Variants in IL31RA observed in about 807,000 individuals in gnomAD.
The protein encoded by IL31RA is interleukin 31 receptor A, also known as interleukin-31 receptor subunit alpha.
A neutral mutation model predicts 83.7 loss-of-function variants in IL31RA; 66 were observed. The observed-to-expected ratio is 0.79, with a 90% confidence interval of 0.65 to 0.97. The LOEUF is 0.97. Ranked by LOEUF, IL31RA falls within the 50% of genes least tolerant of loss-of-function variation. The probability of loss-of-function intolerance (pLI) is 0.00; values close to 1 mark genes in which losing one functional copy is unlikely to be tolerated. For missense variants in IL31RA, 798 were observed against 919.4 expected (o/e 0.87, Z 1.71); for synonymous variants, 325 against 329.0 (o/e 0.99, Z 0.13).
chr5:55,913,046 G>A (rs1049423493), intron 12 of IL31RA, among the ~76,000 whole-genome samples: 1 of 152,082 alleles, frequency 6.6e-6, no homozygotes, highest in Non-Finnish European at 1.5e-5. Flanking sequence ...ATGCTGCCAG[G>A]AAGACACCTA....
chr5:55,896,259 C>A, intron 6 of IL31RA, 91 bp from the exon 7 acceptor site: 1 of 874,174 alleles, frequency 1.1e-6, no homozygotes. Flanking sequence ...CTCCCTCAAG[C>A]AAATCCTTCC....
At position 55,922,585 on chromosome 5, in the gene IL31RA, C is replaced by T. The variant is rs74864519; in HGVS notation, c.*5465C>T. ...GTCTTTTCCACACATGGACCACCTA[C>T]GGATGCAATCTGTAATGCATGTGCA... On this transcript the variant is annotated 3_prime_UTR_variant, in exon 15 of 15. Transcript: ENST00000652347. The T allele has an allele frequency of 1.3e-3, 832 of 616,968 alleles. 6 individuals are homozygous for T. The African/African-American group carries it at 0.014, about 10-fold the overall frequency. 38.2% of individuals were successfully genotyped at this position (616,968 alleles called of 1,614,324 possible).
intron 6 of IL31RA, among the ~76,000 whole-genome samples, chr5:55,894,138 T>C (rs1037773469): frequency 2.0e-5 from 3 of 151,814 alleles, no homozygotes; most frequent in Non-Finnish European, 4.4e-5. Flanking sequence ...TTTTTTTTTC[T>C]TACTCTCAAT....
chr5:55,895,588 G>A (rs66660185), intron 6 of IL31RA, among the ~76,000 whole-genome samples: 14,838 of 152,210 alleles, frequency 0.097, 1,211 homozygotes, highest in African/African-American at 0.22. Flanking sequence ...ATAGAAAACA[G>A]CTATGAAAAA....
chr5:55,845,997 G>A, the IL31RA span, among the ~76,000 whole-genome samples: 1 of 152,234 alleles, frequency 6.6e-6, no homozygotes, highest in Admixed American at 6.5e-5. Context: ...CGGGCTCCCT[G>A]GAGTTTTTGA....
At chr5:55,846,591 G>T (rs1467447026), upstream of IL31RA, among the ~76,000 whole-genome samples, 1 of 152,166 alleles carries the variant, frequency 6.6e-6, no homozygotes, top group African/African-American at 2.4e-5. Context: ...GAGGTCAGGA[G>T]TTCGAGACCA....
intron 1 of IL31RA, among the ~76,000 whole-genome samples, chr5:55,855,985 C>A (rs964841527): frequency 6.6e-6 from 1 of 152,210 alleles, no homozygotes; most frequent in Non-Finnish European, 1.5e-5. Context: ...TAACCTCTGC[C>A]TTTTGAGTTC....
At position 55,918,956 on chromosome 5, in the gene IL31RA, A is replaced by T. The variant is rs1749952567; in HGVS notation, c.*1836A>T. Among the ~76,000 whole-genome samples, 1 of 152,104 alleles carries T rather than the reference A, an allele frequency of 6.6e-6. No individual in the cohort carries two copies. Among genetic ancestry groups the T allele is most frequent in the Admixed American group, 6.5e-5 (1 of 15,270 alleles). On this transcript the variant is annotated 3_prime_UTR_variant, in exon 15 of 15. Coordinates refer to ENST00000652347, the MANE Select transcript of IL31RA (RefSeq NM_139017.7). ...CCTGCACTCAAGTCCAGGTGTAGGA[A>T]GGGACCAAACAAAAGAGATGCGTCC... is the stretch of plus-strand genomic sequence containing the variant.
intron 4 of IL31RA, 41 bp downstream of exon 4, chr5:55,872,492 GT>G: frequency 7.5e-7 from 1 of 1,342,026 alleles, no homozygotes; most frequent in Non-Finnish European, 1.0e-6. Flanking sequence ...TTTATTAAAT[GT>G]TTACCTCCTT....
At position 55,863,341 on chromosome 5, in the gene IL31RA, T is replaced by A. The variant is rs181128191; in HGVS notation, c.154+3742T>A. Among the ~76,000 whole-genome samples the A allele has an allele frequency of 1.1e-4, 16 of 152,366 alleles. No homozygotes were observed. In the East Asian group the frequency reaches 2.5e-3, roughly 24 times the overall value. On this transcript the variant is annotated intron_variant, in intron 2 of 14. Coordinates refer to ENST00000652347, the MANE Select transcript of IL31RA (RefSeq NM_139017.7). Reference sequence around the variant, plus strand: ...GGTATTAGTCAGGGAGAGTTGTTTATGCTGTAATAATAAACAAGCCTAAAA... The same window carrying A: ...GGTATTAGTCAGGGAGAGTTGTTTAAGCTGTAATAATAAACAAGCCTAAAA...
In IL31RA at chr5:55,903,002, A is replaced by G. The variant is rs150849882; in HGVS notation, c.1069+2870A>G. ...TCCCACAACCTTAGATGTGTTATTC[A>G]TAAAGTGACTTGAATTCCGGTCACA... is the stretch of plus-strand genomic sequence containing the variant. On this transcript the variant is annotated intron_variant, in intron 8 of 14. Transcript: ENST00000652347. The surrounding 1 kb of genome is among the most constrained non-coding windows in gnomAD (Gnocchi z 4.7). Among the ~76,000 whole-genome samples, 138 of 152,336 alleles carry G rather than the reference A, an allele frequency of 9.1e-4. No individual in the cohort carries two copies. The highest frequency in any genetic ancestry group is 3.0e-3 in the African/African-American group (126 of 41,576).
At position 55,922,504 on chromosome 5, in the gene IL31RA, C is replaced by A. The variant is rs985635333; in HGVS notation, c.*5384C>A. 5 of 1,276,164 alleles carry A rather than the reference C, an allele frequency of 3.9e-6. No individual in the cohort carries two copies. The East Asian group carries it at 7.6e-5, about 19-fold the overall frequency. 79.1% of individuals were successfully genotyped at this position (1,276,164 alleles called of 1,614,324 possible). A position where few individuals can be genotyped will look rare whatever the true frequency, so the allele number is the denominator to read the frequency against. ...AGAAAGGACATGCAGAGTTTTCCAA[C>A]TAGGAAGACTGAATCTGTGGCCCCA... On this transcript the variant is annotated 3_prime_UTR_variant, in exon 15 of 15. Transcript: ENST00000652347.
chr5:55,908,846 G>A, intron 11 of IL31RA: 1 of 1,348,488 alleles, frequency 7.4e-7, no homozygotes, highest in Non-Finnish European at 9.5e-7. Flanking sequence ...ACTGGGCAAG[G>A]CTTGGATTCT....
At position 55,922,369 on chromosome 5, in the gene IL31RA, T is replaced by C. The variant is rs1210941527; in HGVS notation, c.*5249T>C. 1.9e-6 allele frequency: 3 copies of C among 1,546,112 alleles called. No individual in the cohort carries two copies. The highest frequency in any genetic ancestry group is 3.9e-5 in the Admixed American group (2 of 51,010). On this transcript the variant is annotated 3_prime_UTR_variant, in exon 15 of 15. Coordinates refer to ENST00000652347, the MANE Select transcript of IL31RA (RefSeq NM_139017.7). ...TCGTGGCTGTTCAAGGGAAGTGAGA[T>C]ACTTGTACTATGCATTTCATTTTTA...
intron 3 of IL31RA, among the ~76,000 whole-genome samples, chr5:55,869,341 G>C (rs16884598): frequency 0.018 from 2,801 of 152,192 alleles, 38 homozygotes; most frequent in Non-Finnish European, 0.03. Flanking sequence ...TATTCCACAG[G>C]ACAATGATTC....
At chr5:55,885,777 T>G (rs928608538) in intron 5 of IL31RA, among the ~76,000 whole-genome samples, 2 of 152,178 alleles carry the variant, frequency 1.3e-5, no homozygotes, top group Non-Finnish European at 2.9e-5. Context: ...ACCATTCTCT[T>G]TGAACCTGCC....
intron 8 of IL31RA, 65 bp from the exon 9 acceptor site, chr5:55,906,041 G>T (rs1166396802): frequency 2.0e-6 from 3 of 1,513,142 alleles, no homozygotes; most frequent in Non-Finnish European, 2.8e-6. Context: ...GAGGATGCCA[G>T]TGTGGTTGTT....
rs896681868 is a variant in IL31RA, at chr5:55,914,873, C to A, written c.1763C>A (p.Thr588Asn). The change falls in exon 14 of 15, where the codon ACC becomes AAC. Residue 588 changes from threonine (T) to asparagine (N), a missense_variant. Transcript: ENST00000652347. ...AAATTGACTCATCTGTGTTGGCCCA[C>A]CGTTCCCAACCCTGCTGAAAGTAGT... ...PNKLTHLCWP[T>N]VPNPAESSIA... 5 of 1,613,474 alleles carry A rather than the reference C, an allele frequency of 3.1e-6. No homozygotes were observed. The highest frequency in any genetic ancestry group is 3.4e-6 in the Non-Finnish European group (4 of 1,179,482).
At chr5:55,850,047 T>C (rs542500058), upstream of IL31RA, among the ~76,000 whole-genome samples, 2 of 152,346 alleles carry the variant, frequency 1.3e-5, no homozygotes, top group South Asian at 2.1e-4. Flanking sequence ...AAGGAATTGA[T>C]CCATTGCTTT....
Sources: gnomAD v4.1 joint callset for allele counts (sites outside exome capture counted in the v4.1 genomes callset) on GRCh38, gnomAD v4.1.1 for gene constraint, Gnocchi (gnomAD v3.1) non-coding constraint, MANE v1.5 for transcripts, NCBI Gene and HGNC (gene_info 2026-07-23, HGNC 2026-07-21) for gene names.